The following SND1 variants were observed in gnomAD, a reference collection of about 807,000 sequenced individuals.
SND1 encodes the protein staphylococcal nuclease domain-containing protein 1.
SND1 carries 38 observed loss-of-function variants against 121.7 expected under a neutral mutation model. The ratio of observed to expected loss-of-function variants is 0.31; its 90% CI spans 0.24 to 0.41. SND1 has a LOEUF of 0.41. SND1 is among the 10% of genes least tolerant of loss of function. The pLI, the probability that SND1 is intolerant of heterozygous loss-of-function variation, is 1.00. For synonymous variants in SND1, 401 were observed against 447.4 expected (o/e 0.90, Z 1.31); for missense variants, 868 against 1,184.6 (o/e 0.73, Z 3.92).
intron 16 of SND1, among the ~76,000 whole-genome samples, chr7:128,026,572 C>A (rs1324160392): frequency 1.3e-5 from 2 of 152,214 alleles, no homozygotes; most frequent in African/African-American, 4.8e-5. Context: ...GAGACAGACA[C>A]CTACCACCAA....
chr7:127,710,230 G>A (rs181829538), intron 9 of SND1, among the ~76,000 whole-genome samples: 1 of 152,168 alleles, frequency 6.6e-6, no homozygotes, highest in South Asian at 2.1e-4. Context: ...TATTGTGTGT[G>A]TCTGTTCTTG....
chr7:127,693,270 A>T (rs911799325), intron 2 of SND1, among the ~76,000 whole-genome samples: 2 of 151,546 alleles, frequency 1.3e-5, no homozygotes, highest in Admixed American at 6.6e-5. Context: ...ATTTTTGGAG[A>T]TTGGGGTGGG....
chr7:127,927,556 T>C (rs1385519930), intron 14 of SND1, among the ~76,000 whole-genome samples: 1 of 152,212 alleles, frequency 6.6e-6, no homozygotes, highest in East Asian at 1.9e-4. Flanking sequence ...GTTGCTTAAG[T>C]GTTCAATGGG....
chr7:127,890,010 AT>A (rs1282707535), intron 13 of SND1, among the ~76,000 whole-genome samples: 2 of 152,098 alleles, frequency 1.3e-5, no homozygotes, highest in Non-Finnish European at 2.9e-5. Context: ...TCTCTTCGAT[AT>A]ACTAATTTCC....
At chr7:127,797,836 G>A (rs1355062851) in intron 10 of SND1, among the ~76,000 whole-genome samples, 1 of 152,138 alleles carries the variant, frequency 6.6e-6, no homozygotes, top group Admixed American at 6.5e-5. Flanking sequence ...ATAATGGTTT[G>A]GGAGCCCCTA....
intron 12 of SND1, among the ~76,000 whole-genome samples, chr7:127,855,694 A>G (rs912445269): frequency 6.6e-6 from 1 of 152,168 alleles, no homozygotes; most frequent in Non-Finnish European, 1.5e-5. Flanking sequence ...CCATTGACCT[A>G]ATTTTAAAAT....
intron 11 of SND1, among the ~76,000 whole-genome samples, chr7:127,808,376 G>C (rs1465699051): frequency 2.0e-5 from 3 of 152,034 alleles, no homozygotes; most frequent in African/African-American, 7.2e-5. Flanking sequence ...TGGTGGCCAG[G>C]CTGGTCTTGA....
At chr7:127,687,001 T>C (rs1795824761) in intron 2 of SND1, 1 of 430,258 alleles carries the variant, frequency 2.3e-6, no homozygotes, top group Non-Finnish European at 4.1e-6. Flanking sequence ...AGACTTAGAT[T>C]TGTTGTGTTT....
chr7:127,789,153 C>G (rs1233956055), intron 10 of SND1, among the ~76,000 whole-genome samples: 1 of 152,204 alleles, frequency 6.6e-6, no homozygotes, highest in African/African-American at 2.4e-5. Flanking sequence ...CCACCCTGCC[C>G]CCAGCAGTGA....
chr7:127,944,973 T>A (rs1801296058), intron 15 of SND1, among the ~76,000 whole-genome samples: 1 of 152,202 alleles, frequency 6.6e-6, no homozygotes, highest in African/African-American at 2.4e-5. Flanking sequence ...CTCAATTAAC[T>A]GCCATCCACC....
chr7:127,687,676 C>T (rs1394188255), intron 2 of SND1, among the ~76,000 whole-genome samples: 1 of 151,944 alleles, frequency 6.6e-6, no homozygotes, highest in Non-Finnish European at 1.5e-5. Flanking sequence ...GCTGCCCATA[C>T]TTTATTACTG....
At chr7:128,060,532 C>A (rs900534219) in intron 16 of SND1, among the ~76,000 whole-genome samples, 7 of 152,210 alleles carry the variant, frequency 4.6e-5, no homozygotes, top group Non-Finnish European at 1.0e-4. Context: ...TGGGGCTTGG[C>A]CTTTCCCTTC....
At chr7:127,686,544 G>A in intron 1 of SND1, 69 bp from the exon 2 acceptor site, 1 of 1,518,122 alleles carries the variant, frequency 6.6e-7, no homozygotes, top group South Asian at 1.2e-5. Flanking sequence ...GGGATACGGT[G>A]GTACACAACC....
chr7:127,701,283 A>C lies in SND1; in HGVS notation c.549A>C (p.Pro183=). The part of the protein sequence containing the change: ...IRDLKYTIEN[P]RHFVDSHHQK... ...ATCTCAAGTATACCATTGAAAACCC[A>C]AGGCACTTTGTGGACTCACACCACC... The change falls in exon 5 of 24, where the codon CCA becomes CCC. Residue 183 remains proline, a synonymous_variant. Transcript: ENST00000354725. 6.2e-7 allele frequency: 1 copy of C among 1,614,046 alleles called. No homozygotes were observed. The highest frequency in any genetic ancestry group is 2.2e-5 in the East Asian group (1 of 44,864).
chr7:127,684,738 AAGCGTGCC>A (rs1273297348), intron 1 of SND1, among the ~76,000 whole-genome samples: 18 of 152,184 alleles, frequency 1.2e-4, no homozygotes, highest in Non-Finnish European at 2.4e-4. Context: ...TAAAAACGAA[AAGCGTGCC>A]TGTAACTGGA....
chr7:127,949,520 C>T (rs897545456), intron 15 of SND1, among the ~76,000 whole-genome samples: 4 of 152,048 alleles, frequency 2.6e-5, no homozygotes, highest in African/African-American at 9.7e-5. Context: ...CATTTAAGAA[C>T]AAAAAAACTG....
At chr7:127,864,612 G>A (rs1799434697) in intron 12 of SND1, among the ~76,000 whole-genome samples, 1 of 151,986 alleles carries the variant, frequency 6.6e-6, no homozygotes, top group African/African-American at 2.4e-5. Context: ...TTTCTTTCTG[G>A]TGTCTTTCTC....
At chr7:127,772,505 T>G (rs1797532729) in intron 10 of SND1, among the ~76,000 whole-genome samples, 1 of 152,202 alleles carries the variant, frequency 6.6e-6, no homozygotes, top group Non-Finnish European at 1.5e-5. Flanking sequence ...TTGGAAGAAA[T>G]GGAGTGTCTC....
chr7:127,915,023 T>C (rs1800544212), intron 14 of SND1, among the ~76,000 whole-genome samples: 1 of 152,100 alleles, frequency 6.6e-6, no homozygotes, highest in African/African-American at 2.4e-5. Flanking sequence ...CCGGTGTTCA[T>C]TATTTTTTTT....
Sources: allele counts gnomAD v4.1 joint callset (sites outside exome capture counted in the v4.1 genomes callset), GRCh38; gene constraint gnomAD v4.1.1; transcripts MANE v1.5; gene names NCBI Gene and HGNC (gene_info 2026-07-23, HGNC 2026-07-21).